The following MIER2 variants were observed in gnomAD, a reference collection of about 807,000 sequenced individuals.
MIER2 encodes the protein mesoderm induction early response protein 2.
In MIER2, 30 loss-of-function variants were observed where a neutral mutation model predicts 67.6. The observed-to-expected ratio is 0.44, with a 90% confidence interval of 0.33 to 0.60. MIER2 has a LOEUF of 0.60. MIER2 is among the 20% of genes least tolerant of loss of function. The pLI is 0.02. For missense variants in MIER2, 702 were observed against 745.1 expected, an observed-to-expected ratio of 0.94 and a Z score of 0.67; for synonymous variants, 372 against 312.6, an observed-to-expected ratio of 1.19 and a Z score of -2.00.
Position 327,230 on chromosome 19 carries a change from T to A in MIER2, c.396A>T (p.Ser132=). The change falls in exon 5 of 14, where the codon TCA becomes TCT. Residue 132 remains serine, a synonymous_variant. Coordinates refer to ENST00000264819, the MANE Select transcript of MIER2 (RefSeq NM_017550.3). The stretch of plus-strand genomic sequence containing the variant: ...ATTGCGTCTCTTCCTCTTCTTCCCC[T>A]GAAAGCAAATCCTTCGCTATTTGTT... The part of the protein sequence containing the change: ...DKEQIAKDLL[S]GEEEEETQSS... 3 of 1,581,340 alleles carry A rather than the reference T, an allele frequency of 1.9e-6. No homozygotes were observed. The highest frequency in any genetic ancestry group is 2.6e-6 in the Non-Finnish European group (3 of 1,170,662).
chr19:311,442 C>G (rs1272785232), intron 10 of MIER2, among the ~76,000 whole-genome samples: 1 of 152,138 alleles, frequency 6.6e-6, no homozygotes, highest in Non-Finnish European at 1.5e-5. Flanking sequence ...GACCTGGGTC[C>G]CTGGAGGAGG....
chr19:329,746 G>A (rs12972250), intron 3 of MIER2, among the ~76,000 whole-genome samples: 40,096 of 151,694 alleles, frequency 0.26, 6,801 homozygotes, highest in Non-Finnish European at 0.37. Context: ...ATTAGCTGGG[G>A]ATGGTGGTGG....
At chr19:327,080 A>T (rs1971788747) in intron 5 of MIER2, 53 bp downstream of exon 5, 1 of 1,548,296 alleles carries the variant, frequency 6.5e-7, no homozygotes, top group Non-Finnish European at 8.7e-7. Context: ...AAGCATCACG[A>T]CTGCCTGGCA....
intron 1 of MIER2, 103 bp downstream of exon 1, chr19:344,671 C>A: frequency 1.3e-6 from 1 of 765,026 alleles, no homozygotes. Context: ...AGCTCCAGAG[C>A]GGGGCTCTCC....
At chr19:326,818 G>A (rs55970301) in intron 5 of MIER2, 12 of 585,070 alleles carry the variant, frequency 2.1e-5, no homozygotes, top group Admixed American at 9.2e-5. Flanking sequence ...TCTGGGCCCC[G>A]AGCCCTCAGT....
intron 4 of MIER2, 141 bp from the exon 5 acceptor site, chr19:327,397 A>G (rs1446244091): frequency 6.2e-6 from 7 of 1,122,180 alleles, no homozygotes; most frequent in Non-Finnish European, 1.3e-6. Flanking sequence ...AAGGGTGCAC[A>G]GCGTGGGGGG....
At chr19:314,328 G>A (rs914986067) in intron 7 of MIER2, among the ~76,000 whole-genome samples, 1 of 152,208 alleles carries the variant, frequency 6.6e-6, no homozygotes, top group Non-Finnish European at 1.5e-5. Flanking sequence ...TTTCGGCAAA[G>A]GGAGGGACGC....
At chr19:327,413 G>A (rs2145479773) in intron 4 of MIER2, among the ~76,000 whole-genome samples, 157 bp from the exon 5 acceptor site, 1 of 152,360 alleles carries the variant, frequency 6.6e-6, no homozygotes, top group Admixed American at 6.5e-5. Flanking sequence ...GGGGGAGCGG[G>A]GATGGGAAGG....
intron 7 of MIER2, among the ~76,000 whole-genome samples, chr19:324,446 G>C (rs576496488): frequency 1.0e-4 from 14 of 135,640 alleles, no homozygotes; most frequent in Non-Finnish European, 1.2e-4. Context: ...CAGACGACTC[G>C]AATGACACAG....
intron 7 of MIER2, 38 bp from the exon 8 acceptor site, chr19:313,681 C>G (rs1396144141): frequency 6.3e-7 from 1 of 1,594,224 alleles, no homozygotes; most frequent in Non-Finnish European, 8.5e-7. Context: ...TTGCAGGAAC[C>G]CAATCTGCAC....
intron 3 of MIER2, chr19:334,124 C>A: frequency 5.7e-6 from 2 of 353,674 alleles, no homozygotes; most frequent in South Asian, 7.2e-5. Flanking sequence ...TGCACCCAGC[C>A]TGAAACTCTC....
chr19:344,650 G>T, intron 1 of MIER2, 124 bp downstream of exon 1: 1 of 604,084 alleles, frequency 1.7e-6, no homozygotes, highest in Non-Finnish European at 2.1e-6. Flanking sequence ...AGGCGCCCCG[G>T]CCGGCCTCAG....
At position 313,687 on chromosome 19, in the gene MIER2, T is replaced by C; in HGVS notation, c.656-44A>G. ...AAGGTCAGCTTGCAGGAACCCAATC[T>C]GCACCCACACACGCCAGGACAAGCA... On this transcript the variant is annotated intron_variant, in intron 7 of 13. Coordinates refer to ENST00000264819, the MANE Select transcript of MIER2 (RefSeq NM_017550.3). 4 of 1,592,848 alleles carry C rather than the reference T, an allele frequency of 2.5e-6. No individual in the cohort carries two copies. In the South Asian group the frequency reaches 4.4e-5, roughly 18 times the overall value.
chr19:320,239 CGT>C (rs1971443453), intron 7 of MIER2, among the ~76,000 whole-genome samples: 1 of 151,598 alleles, frequency 6.6e-6, no homozygotes, highest in South Asian at 2.1e-4. Flanking sequence ...AATTAGCCGG[CGT>C]GCAGTGGCGC....
intron 7 of MIER2, among the ~76,000 whole-genome samples, chr19:324,780 G>C (rs1169134859): frequency 1.3e-5 from 2 of 152,214 alleles, no homozygotes; most frequent in Admixed American, 6.5e-5. Flanking sequence ...ACCCTCATGG[G>C]GGGTGAGTCA....
chr19:323,780 G>A (rs963010915), intron 7 of MIER2, among the ~76,000 whole-genome samples: 1 of 144,060 alleles, frequency 6.9e-6, no homozygotes, highest in Non-Finnish European at 1.5e-5. Flanking sequence ...CACAACCACA[G>A]ACAACTCGAA....
At chr19:320,501 G>A (rs988620571) in intron 7 of MIER2, among the ~76,000 whole-genome samples, 15 of 152,138 alleles carry the variant, frequency 9.9e-5, no homozygotes, top group Middle Eastern at 6.9e-3. Flanking sequence ...TGTCATTGCA[G>A]GGGTTCCCAA....
Position 309,573 on chromosome 19 carries a change from G to GACAC in MIER2, c.985-652_985-649dup, listed in dbSNP as rs765118782. On this transcript the variant is annotated intron_variant, in intron 10 of 13. Coordinates refer to ENST00000264819, the MANE Select transcript of MIER2 (RefSeq NM_017550.3). ...CACAGGCTTCAGGGAGACGAGAAGG[G>GACAC]ACACACACACACACACACACAAGGC... Among the ~76,000 whole-genome samples the GACAC allele has an allele frequency of 3.0e-4, 32 of 105,374 alleles. 1 individual carries two copies. Among genetic ancestry groups the GACAC allele is most frequent in the South Asian group, 2.6e-3 (10 of 3,782 alleles). 69.1% of individuals were successfully genotyped at this position (105,374 alleles called of 152,430 possible). A position where few individuals can be genotyped will look rare whatever the true frequency, so the allele number is the denominator to read the frequency against.
At chr19:321,650 A>G (rs1382134966) in intron 7 of MIER2, among the ~76,000 whole-genome samples, 22 of 152,176 alleles carry the variant, frequency 1.4e-4, no homozygotes. Flanking sequence ...TCTCAAAAAA[A>G]AAAGATTAAA....
Sources: allele counts gnomAD v4.1 joint callset (sites outside exome capture counted in the v4.1 genomes callset), GRCh38; gene constraint gnomAD v4.1.1; transcripts MANE v1.5; gene names NCBI Gene and HGNC (gene_info 2026-07-23, HGNC 2026-07-21).